Variants in E2F7 observed in about 807,000 individuals in gnomAD.
E2F7 encodes E2F transcription factor 7.
E2F7 carries 35 observed loss-of-function variants against 81.1 expected under a neutral mutation model. The ratio of observed to expected loss-of-function variants is 0.43; its 90% CI spans 0.33 to 0.57. The LOEUF is 0.57. E2F7 is among the 20% of genes least tolerant of loss of function. The pLI, the probability that E2F7 is intolerant of heterozygous loss-of-function variation, is 0.04. For synonymous variants in E2F7, 416 were observed against 416.2 expected (o/e 1.00, Z 0.01); for missense variants, 961 against 1,093.7 (o/e 0.88, Z 1.71).
chr12:77,037,762 A>G (rs1954863799), intron 7 of E2F7, among the ~76,000 whole-genome samples: 1 of 152,196 alleles, frequency 6.6e-6, no homozygotes, highest in Non-Finnish European at 1.5e-5. Flanking sequence ...AGCAAATGGG[A>G]CAAACAGAAC....
At chr12:77,033,022 A>G in intron 9 of E2F7, 28 bp downstream of exon 9, 1 of 1,595,546 alleles carries the variant, frequency 6.3e-7, no homozygotes. Flanking sequence ...AGAAAAGAAT[A>G]CACTCTGAGC....
In E2F7 at chr12:77,043,118, C is replaced by T. The variant is rs377645692; in HGVS notation, c.1070G>A (p.Arg357Gln). The change falls in exon 7 of 13, where the codon CGA becomes CAA. Residue 357 changes from arginine to glutamine, a missense_variant. Arg to Gln is a conservative substitution (Grantham distance 43). Coordinates refer to ENST00000322886, the MANE Select transcript of E2F7 (RefSeq NM_203394.3). ...CCACTTGAAGGCTGGTTTACGACCT[C>T]GCTCTTCTGTTACATGCACTTTCTT... ...LIKKVHVTEE[R>Q]GRKPAFKWIG... 86 of 1,614,050 alleles carry T rather than the reference C, an allele frequency of 5.3e-5. No homozygotes were observed. The highest frequency in any genetic ancestry group is 6.6e-5 in the Non-Finnish European group (78 of 1,180,016).
In E2F7 at chr12:77,044,622, GGT is replaced by G. The variant is rs1954923915; in HGVS notation, c.988+13_988+14del. The G allele has an allele frequency of 3.7e-6, 6 of 1,612,802 alleles. No homozygotes were observed. Among genetic ancestry groups the G allele is most frequent in the Non-Finnish European group, 5.1e-6 (6 of 1,179,602 alleles). On this transcript the variant is annotated intron_variant, in intron 6 of 12. Transcript: ENST00000322886. Reference sequence around the variant, plus strand: ...CTTTATGTGCTAGTAAGTTGATGGAGGTGAAGATTCTTACTTTTAAATTTACT... The same window carrying G: ...CTTTATGTGCTAGTAAGTTGATGGAGGAAGATTCTTACTTTTAAATTTACT...
chr12:77,027,459 G>A (rs1954768665), intron 11 of E2F7, among the ~76,000 whole-genome samples: 1 of 152,172 alleles, frequency 6.6e-6, no homozygotes. Flanking sequence ...CAGATAATAA[G>A]TGGTTTTAAA....
chr12:77,064,957 CAGG>C (rs2120773763), intron 1 of E2F7, among the ~76,000 whole-genome samples: 1 of 152,320 alleles, frequency 6.6e-6, no homozygotes, highest in Admixed American at 6.5e-5. Flanking sequence ...CAGAAAAGTA[CAGG>C]GTCTCCCAGG....
intron 7 of E2F7, among the ~76,000 whole-genome samples, chr12:77,040,529 T>C (rs879854156): frequency 6.6e-6 from 1 of 152,198 alleles, no homozygotes; most frequent in East Asian, 1.9e-4. Flanking sequence ...GTACCGACTT[T>C]GGAGTTAAAA....
Position 77,030,339 on chromosome 12 carries a change from TAAAAAA to T in E2F7, c.1383-13_1383-8del. 6.6e-7 allele frequency: 1 copy of T among 1,522,786 alleles called. No homozygotes were observed. Among genetic ancestry groups the T allele is most frequent in the Non-Finnish European group, 8.8e-7 (1 of 1,136,620 alleles). The allele number at this position is 1,522,786 out of a possible 1,614,324, so 94.3% of individuals were successfully genotyped here. A position where few individuals can be genotyped will look rare whatever the true frequency, so the allele number is the denominator to read the frequency against. On this transcript the variant is annotated splice_region_variant and splice_polypyrimidine_tract_variant and intron_variant, in intron 9 of 12. Coordinates refer to ENST00000322886, the MANE Select transcript of E2F7 (RefSeq NM_203394.3). Reference sequence around the variant, plus strand: ...ACTGGCAAAGGCTTTTCCCCTATAATAAAAAAGAAACGTAACGAAGTTAGCACATTC... The same window carrying T: ...ACTGGCAAAGGCTTTTCCCCTATAATGAAACGTAACGAAGTTAGCACATTC...
At chr12:77,045,255 TCTTCCA>T (rs1369971957) in intron 5 of E2F7, among the ~76,000 whole-genome samples, 2 of 152,226 alleles carry the variant, frequency 1.3e-5, no homozygotes, top group Non-Finnish European at 2.9e-5. Flanking sequence ...GATGCCCGCC[TCTTCCA>T]CTTCTTTTCA....
intron 4 of E2F7, among the ~76,000 whole-genome samples, chr12:77,050,316 T>A (rs1454474557): frequency 6.6e-6 from 1 of 152,210 alleles, no homozygotes. Context: ...GTAACTCTAT[T>A]ATAAAAATAT....
intron 1 of E2F7, 112 bp from the exon 2 acceptor site, chr12:77,064,747 T>A: frequency 1.1e-6 from 1 of 888,058 alleles, no homozygotes; most frequent in Non-Finnish European, 1.8e-6. Context: ...CCCCCTTCTC[T>A]AAGCACATCC....
Position 77,059,298 on chromosome 12 carries a change from AC to A in E2F7, c.94-3169del, listed in dbSNP as rs1955059685. 2.0e-5 allele frequency among the ~76,000 whole-genome samples: 3 copies of A among 152,094 alleles called. No individual in the cohort carries two copies. The South Asian group carries it at 6.2e-4, about 32-fold the overall frequency. On this transcript the variant is annotated intron_variant, in intron 2 of 12. Transcript: ENST00000322886. ...AGAAAGTCAACTGCAATCTAGTCAC[AC>A]CTTGCTCCATCTGTCTGTCCTGCTA... is the stretch of plus-strand genomic sequence containing the variant.
rs1436463108 is a variant in E2F7, at chr12:77,025,868, G to A, written c.2255C>T (p.Pro752Leu). ...SVPCMVLPSP[P>L]LGPFPVLYSP... is the part of the protein sequence containing the mutation. The stretch of plus-strand genomic sequence containing the variant: ...ATAGAGAACAGGAAAAGGGCCCAGA[G>A]GTGGAGATGGTAAGACCATGCAAGG... Residue 752 changes from proline to leucine, a missense_variant, in exon 12 of 13, where the codon CCT (proline) becomes CTT (leucine). This residue lies in a region of E2F7 where 587 missense variants were observed against 620.3 expected (regional missense o/e 0.95). Transcript: ENST00000322886. The A allele has an allele frequency of 3.1e-6, 5 of 1,614,110 alleles. No homozygotes were observed. The highest frequency in any genetic ancestry group is 1.1e-5 in the South Asian group (1 of 91,062).
At position 77,064,555 on chromosome 12, in the gene E2F7, T is replaced by A. The variant is rs1202358235; in HGVS notation, c.81A>T (p.Glu27Asp). 4 of 1,614,130 alleles carry A rather than the reference T, an allele frequency of 2.5e-6. No homozygotes were observed. Among genetic ancestry groups the A allele is most frequent in the Non-Finnish European group, 3.4e-6 (4 of 1,179,976 alleles). ...TATGTTTGCTTACCTTTTGTGCATT[T>A]TCCCCATCTTCAACTGCAAAATCTA... Reference protein sequence around the residue: ...PRLDFAVEDGENAQKENIFVD... With the variant: ...PRLDFAVEDGDNAQKENIFVD... Residue 27 changes from glutamate (E) to aspartate (D), a missense_variant, in exon 2 of 13, where the codon GAA (glutamate) becomes GAT (aspartate). Physicochemically the swap from Glu to Asp is conservative, Grantham distance 45. Transcript: ENST00000322886.
chr12:77,037,428 C>CA (rs1486493680), intron 7 of E2F7, among the ~76,000 whole-genome samples: 1 of 151,694 alleles, frequency 6.6e-6, no homozygotes, highest in African/African-American at 2.4e-5. Flanking sequence ...CTGTCTCTAC[C>CA]AAAAAAACAA....
rs189854463 is a variant in E2F7, at chr12:77,034,100, C to T, written c.1124-58G>A. On this transcript the variant is annotated intron_variant, in intron 7 of 12. Transcript: ENST00000322886. ...TACAGCTGTAATTCAGGATAATTTT[C>T]GTCTATTTAAGAGATGGCTTTGAAC... is the stretch of plus-strand genomic sequence containing the variant. 214 of 1,498,092 alleles carry T rather than the reference C, an allele frequency of 1.4e-4. No homozygotes were observed. In the African/African-American group the frequency reaches 2.6e-3, roughly 18 times the overall value. 92.8% of individuals were successfully genotyped at this position (1,498,092 alleles called of 1,614,324 possible).
chr12:77,033,126 A>C lies in E2F7; in HGVS notation c.1310-4T>G. On this transcript the variant is annotated splice_polypyrimidine_tract_variant and splice_region_variant and intron_variant, in intron 8 of 12. Coordinates refer to ENST00000322886, the MANE Select transcript of E2F7 (RefSeq NM_203394.3). ...TCTAAAGAGTAGCCACCTGATCCTG[A>C]AAAGGAAGATGAAGGCTTAACAAAT... 1 of 1,613,408 alleles carries C rather than the reference A, an allele frequency of 6.2e-7. No individual in the cohort carries two copies. Among genetic ancestry groups the C allele is most frequent in the Non-Finnish European group, 8.5e-7 (1 of 1,179,792 alleles).
intron 3 of E2F7, among the ~76,000 whole-genome samples, chr12:77,052,577 G>A (rs1954998876): frequency 6.6e-6 from 1 of 152,052 alleles, no homozygotes; most frequent in African/African-American, 2.4e-5. Context: ...TTCATGTAAA[G>A]CAAATTTTAA....
chr12:77,061,684 G>A (rs1040993391), intron 2 of E2F7, among the ~76,000 whole-genome samples: 1 of 152,180 alleles, frequency 6.6e-6, no homozygotes, highest in Non-Finnish European at 1.5e-5. Flanking sequence ...CTTGACCAAC[G>A]GGCAAATGGC....
At chr12:77,051,824 G>A (rs1304029599) in intron 3 of E2F7, among the ~76,000 whole-genome samples, 1 of 152,030 alleles carries the variant, frequency 6.6e-6, no homozygotes, top group Non-Finnish European at 1.5e-5. Context: ...AATGCATGAG[G>A]ACACGAAAAA....
Sources: gnomAD v4.1 joint callset for allele counts (sites outside exome capture counted in the v4.1 genomes callset) on GRCh38, gnomAD v4.1.1 for gene constraint, gnomAD v4.1.1 regional missense constraint, MANE v1.5 for transcripts, NCBI Gene and HGNC (gene_info 2026-07-23, HGNC 2026-07-21) for gene names.